DUSP13A: variants seen among roughly 807,000 people sequenced by gnomAD.
DUSP13A encodes the protein dual specificity phosphatase 13A.
At chr10:75,106,110 T>C in the DUSP13A span, among the ~76,000 whole-genome samples, 20 of 150,554 alleles carry the variant, frequency 1.3e-4, no homozygotes, top group East Asian at 7.7e-4. Flanking sequence ...TCTTTTTTTT[T>C]TTTTTTTTTT....
At chr10:75,106,585 C>T in the DUSP13A span, among the ~76,000 whole-genome samples, 1 of 152,186 alleles carries the variant, frequency 6.6e-6, no homozygotes. Context: ...CCCCACCTTC[C>T]CGATCCTCTG....
the DUSP13A span, chr10:75,108,183 A>C: frequency 6.2e-7 from 1 of 1,608,928 alleles, no homozygotes; most frequent in Admixed American, 1.7e-5. Context: ...CAGCTTCCAC[A>C]GCTCAAAGCG....
At chr10:75,109,152 A>G in the DUSP13A span, 1 of 1,589,560 alleles carries the variant, frequency 6.3e-7, no homozygotes, top group Non-Finnish European at 8.6e-7. Flanking sequence ...GAGAGGTCTC[A>G]GCCATGGGCC....
chr10:75,107,035 T>C, the DUSP13A span, among the ~76,000 whole-genome samples: 1 of 152,284 alleles, frequency 6.6e-6, no homozygotes, highest in Admixed American at 6.5e-5. Context: ...ATTTCTTTTC[T>C]AGTTAAAAGT....
chr10:75,107,914 A>C, the DUSP13A span: 1 of 1,454,550 alleles, frequency 6.9e-7, no homozygotes, highest in East Asian at 2.5e-5. Flanking sequence ...ATGGGAGGGC[A>C]CTGATGACTG....
chr10:75,105,761 C>T, the DUSP13A span: 127 of 1,552,614 alleles, frequency 8.2e-5, no homozygotes, highest in South Asian at 3.1e-4. Flanking sequence ...TGCTGCCTCA[C>T]GGTGATCACC....
At chr10:75,108,950 G>C in the DUSP13A span, 266 of 1,537,554 alleles carry the variant, frequency 1.7e-4, 1 homozygote, top group African/African-American at 2.5e-3. Flanking sequence ...CTGGTAAAGC[G>C]ACCAAGAACT....
Sources: gnomAD v4.1 joint callset for allele counts (sites outside exome capture counted in the v4.1 genomes callset) on GRCh38, gnomAD v4.1.1 for gene constraint, MANE v1.5 for transcripts, NCBI Gene and HGNC (gene_info 2026-07-23, HGNC 2026-07-21) for gene names.